Variants in CCNF observed in about 807,000 individuals in gnomAD.
CCNF encodes cyclin F.
A neutral mutation model predicts 85.4 loss-of-function variants in CCNF; 30 were observed. The ratio of observed to expected loss-of-function variants is 0.35; its 90% CI spans 0.26 to 0.48. The LOEUF is 0.48. Ranked by LOEUF, CCNF falls within the 20% of genes least tolerant of loss-of-function variation. The probability of loss-of-function intolerance (pLI) is 0.99; values close to 1 mark genes in which losing one functional copy is unlikely to be tolerated. For missense variants in CCNF, 919 were observed against 1,010.4 expected (o/e 0.91, Z 1.23); for synonymous variants, 439 against 425.1 (o/e 1.03, Z -0.40).
At chr16:2,454,303 A>G (rs2065412192) in intron 15 of CCNF, among the ~76,000 whole-genome samples, 1 of 152,210 alleles carries the variant, frequency 6.6e-6, no homozygotes, top group Non-Finnish European at 1.5e-5. Context: ...GAAGCGTGAC[A>G]GCACTTTCCA....
chr16:2,435,655 G>GCACA lies in CCNF; in HGVS notation c.279-142_279-139dup, dbSNP rs1347034994. 86 of 48,214 alleles carry GCACA rather than the reference G, an allele frequency of 1.8e-3. 1 individual carries two copies. The highest frequency in any genetic ancestry group is 2.8e-3 in the African/African-American group (6 of 2,124). 3.0% of individuals were successfully genotyped at this position (48,214 alleles called of 1,614,324 possible). A position where few individuals can be genotyped will look rare whatever the true frequency, so the allele number is the denominator to read the frequency against. Reference sequence around the variant, plus strand: ...TATATATGCACACACATATATATATGCACACACACACATATATATATATAT... The same window carrying GCACA: ...TATATATGCACACACATATATATATGCACACACACACACACATATATATATATAT... On this transcript the variant is annotated intron_variant, in intron 3 of 16. Transcript: ENST00000397066.
Position 2,458,719 on chromosome 16 carries a change from T to C in CCNF, c.*1699T>C, listed in dbSNP as rs1160666765. ...TGTGGTCGGGGTGAGAACCCAAGCG[T>C]TGGAACTGTAGACCCGTCCTGTCGA... On this transcript the variant is annotated 3_prime_UTR_variant, in exon 17 of 17. Coordinates refer to ENST00000397066, the MANE Select transcript of CCNF (RefSeq NM_001761.3). 1 of 152,262 alleles carries C rather than the reference T, an allele frequency of 6.6e-6. No homozygotes were observed. Among genetic ancestry groups the C allele is most frequent in the African/African-American group, 2.4e-5 (1 of 41,434 alleles). The allele number at this position is 152,262 out of a possible 1,614,324, so 9.4% of individuals were successfully genotyped here. A position where few individuals can be genotyped will look rare whatever the true frequency, so the allele number is the denominator to read the frequency against.
intron 10 of CCNF, among the ~76,000 whole-genome samples, chr16:2,448,018 G>A (rs1186825717): frequency 6.6e-6 from 1 of 152,270 alleles, no homozygotes; most frequent in Non-Finnish European, 1.5e-5. Flanking sequence ...AAGGTGCCTT[G>A]CGGGGGGCCG....
Position 2,458,217 on chromosome 16 carries a change from A to G in CCNF, c.*1197A>G, listed in dbSNP as rs2065441385. ...CACTTCTGTTTACTCTGCAAATGTAAGAAAGAACCACTTGGCCAGAAGTGT... is the reference window on the plus strand; with the variant it reads ...CACTTCTGTTTACTCTGCAAATGTAGGAAAGAACCACTTGGCCAGAAGTGT... On this transcript the variant is annotated 3_prime_UTR_variant, in exon 17 of 17. Coordinates refer to ENST00000397066, the MANE Select transcript of CCNF (RefSeq NM_001761.3). 1 of 151,644 alleles carries G rather than the reference A, an allele frequency of 6.6e-6. No homozygotes were observed. The allele number at this position is 151,644 out of a possible 1,614,324, so 9.4% of individuals were successfully genotyped here.
Position 2,453,850 on chromosome 16 carries a change from C to T in CCNF, c.1715+313C>T, listed in dbSNP as rs188936670. Among the ~76,000 whole-genome samples, 159 of 152,328 alleles carry T rather than the reference C, an allele frequency of 1.0e-3. 1 individual carries two copies. The highest frequency in any genetic ancestry group is 9.0e-3 in the Admixed American group (137 of 15,306). On this transcript the variant is annotated intron_variant, in intron 15 of 16. Transcript: ENST00000397066. The surrounding 1 kb of genome is among the most constrained non-coding windows in gnomAD (Gnocchi z 5.6). ...TAGCCCTGCCCGTGCCTGTCATGCG[C>T]GTCCTGGACTTCTCTGCTCCATGAT... is the stretch of plus-strand genomic sequence containing the variant.
At position 2,451,274 on chromosome 16, in the gene CCNF, C is replaced by T. The variant is rs958854720; in HGVS notation, c.1487+1359C>T. On this transcript the variant is annotated intron_variant, in intron 13 of 16. Coordinates refer to ENST00000397066, the MANE Select transcript of CCNF (RefSeq NM_001761.3). This position sits in a 1 kb window ranked among gnomAD's most constrained non-coding sequence, Gnocchi z 4.3. The stretch of plus-strand genomic sequence containing the variant: ...GGCGACTCCCTTCAGGGAGCGTAGC[C>T]GGGGTCACCTGGGCATCTGAGTCCA... 3.3e-5 allele frequency among the ~76,000 whole-genome samples: 5 copies of T among 152,102 alleles called. No homozygotes were observed. Among genetic ancestry groups the T allele is most frequent in the Non-Finnish European group, 5.9e-5 (4 of 68,012 alleles).
intron 10 of CCNF, among the ~76,000 whole-genome samples, chr16:2,447,657 A>G (rs2065369317): frequency 6.6e-6 from 1 of 152,088 alleles, no homozygotes; most frequent in African/African-American, 2.4e-5. Flanking sequence ...AGGCTGAGGC[A>G]TGAGAATCAC....
In CCNF at chr16:2,449,918, G is replaced by C; in HGVS notation, c.1487+3G>C. On this transcript the variant is annotated splice_donor_region_variant and intron_variant, in intron 13 of 16. Coordinates refer to ENST00000397066, the MANE Select transcript of CCNF (RefSeq NM_001761.3). The stretch of plus-strand genomic sequence containing the variant: ...GTCTTGAGCCTCCATAAGAAGTGGT[G>C]AGTTTTGGCCGGGCGCAGAGGCTCA... 1 of 1,610,690 alleles carries C rather than the reference G, an allele frequency of 6.2e-7. No individual in the cohort carries two copies. The highest frequency in any genetic ancestry group is 8.5e-7 in the Non-Finnish European group (1 of 1,177,112).
chr16:2,434,167 G>A (rs1194929587), intron 3 of CCNF, among the ~76,000 whole-genome samples: 1 of 151,984 alleles, frequency 6.6e-6, no homozygotes, highest in Non-Finnish European at 1.5e-5. Context: ...TTAGCTGGAT[G>A]CGGTGATGGG....
At chr16:2,434,272 C>G (rs1454478136) in intron 3 of CCNF, among the ~76,000 whole-genome samples, 31 of 152,028 alleles carry the variant, frequency 2.0e-4, no homozygotes, top group Admixed American at 2.0e-3. Flanking sequence ...CGCCATTGCA[C>G]TCCAGCCTGG....
chr16:2,435,143 C>G (rs79971552), intron 3 of CCNF, among the ~76,000 whole-genome samples: 5 of 150,368 alleles, frequency 3.3e-5, no homozygotes, highest in Admixed American at 6.7e-5. Context: ...CCCAGCTACT[C>G]GGGAGGCTGA....
intron 9 of CCNF, among the ~76,000 whole-genome samples, chr16:2,444,277 A>T (rs1439522116): frequency 6.7e-6 from 1 of 149,074 alleles, no homozygotes; most frequent in Non-Finnish European, 1.5e-5. Flanking sequence ...GGAAGAAAAT[A>T]TCCTACTCTG....
chr16:2,445,766 C>A, intron 10 of CCNF, 144 bp downstream of exon 10: 1 of 784,548 alleles, frequency 1.3e-6, no homozygotes, highest in Non-Finnish European at 1.9e-6. Flanking sequence ...CTCGCTCTGT[C>A]ACCCAGGCTG....
intron 3 of CCNF, among the ~76,000 whole-genome samples, chr16:2,434,813 T>C (rs1302262674): frequency 6.6e-6 from 1 of 152,196 alleles, no homozygotes; most frequent in African/African-American, 2.4e-5. Context: ...ATTTTCTGTC[T>C]CTCCGGATTT....
chr16:2,449,549 C>A, intron 12 of CCNF, 87 bp downstream of exon 12: 2 of 1,336,672 alleles, frequency 1.5e-6, no homozygotes, highest in Non-Finnish European at 2.0e-6. Flanking sequence ...AGTCCAGCAT[C>A]CATTTGTCCT....
At chr16:2,448,146 C>G (rs1303078456) in intron 10 of CCNF, among the ~76,000 whole-genome samples, 1 of 152,254 alleles carries the variant, frequency 6.6e-6, no homozygotes, top group Non-Finnish European at 1.5e-5. Flanking sequence ...GACTTTCCAA[C>G]AACCCTTGGG....
In CCNF at chr16:2,457,009, G is replaced by C; in HGVS notation, c.2350G>C (p.Val784Leu). The change falls in exon 17 of 17, where the codon GTG becomes CTG. Residue 784 changes from valine to leucine, a missense_variant. By Grantham distance (32) the Val-to-Leu change is conservative. Coordinates refer to ENST00000397066, the MANE Select transcript of CCNF (RefSeq NM_001761.3). ...GGAGGAGGACATGAACCTGGGCCTT[G>C]TGAGGCTGTAAGTGTGTCAGCACAT... ...SEEEDMNLGL[V>L]RL The C allele has an allele frequency of 6.3e-7, 1 of 1,584,854 alleles. No homozygotes were observed.
chr16:2,457,058 G>C lies in CCNF; in HGVS notation c.*38G>C, dbSNP rs1596935052. On this transcript the variant is annotated 3_prime_UTR_variant, in exon 17 of 17. Transcript: ENST00000397066. Reference sequence around the variant, plus strand: ...ATTTGCCGCAGTGGATGTGTACTGAGGGGGCTGGAGGCGAAGGGTGGGAGC... The same window carrying C: ...ATTTGCCGCAGTGGATGTGTACTGACGGGGCTGGAGGCGAAGGGTGGGAGC... 2.1e-6 allele frequency: 3 copies of C among 1,452,256 alleles called. No individual in the cohort carries two copies. Among genetic ancestry groups the C allele is most frequent in the Non-Finnish European group, 9.4e-7 (1 of 1,067,940 alleles). 90.0% of individuals were successfully genotyped at this position (1,452,256 alleles called of 1,614,324 possible).
chr16:2,455,317 T>G (rs2065420263), intron 15 of CCNF, 78 bp from the exon 16 acceptor site: 13 of 1,465,868 alleles, frequency 8.9e-6, no homozygotes, highest in Non-Finnish European at 1.2e-5. Flanking sequence ...ACGCGGGTGT[T>G]AGAGGCAGGT....
Sources: gnomAD v4.1 joint callset for allele counts (sites outside exome capture counted in the v4.1 genomes callset) on GRCh38, gnomAD v4.1.1 for gene constraint, Gnocchi (gnomAD v3.1) non-coding constraint, MANE v1.5 for transcripts, NCBI Gene and HGNC (gene_info 2026-07-23, HGNC 2026-07-21) for gene names.